The following RDH10 variants were observed in gnomAD, a reference collection of about 807,000 sequenced individuals.
RDH10 encodes retinol dehydrogenase 10 (all-trans).
A neutral mutation model predicts 30.2 loss-of-function variants in RDH10; 12 were observed. The ratio of observed to expected loss-of-function variants is 0.40; its 90% CI spans 0.25 to 0.64. The LOEUF (loss-of-function observed/expected upper bound fraction) is 0.64. Ranked by LOEUF, RDH10 falls within the 30% of genes least tolerant of loss-of-function variation. RDH10 has a pLI of 0.43. For missense variants in RDH10, 268 were observed against 445.2 expected (o/e 0.60, Z 3.58); for synonymous variants, 189 against 172.2 (o/e 1.10, Z -0.76).
At chr8:73,318,968 T>C (rs747078017) in intron 2 of RDH10, 128 bp from the exon 3 acceptor site, 143 of 622,196 alleles carry the variant, frequency 2.3e-4, no homozygotes, top group Middle Eastern at 4.0e-4. Flanking sequence ...TTGATAAATA[T>C]AAAATATTTT....
rs77444482 is a variant in RDH10, at chr8:73,295,870, C to A, written c.289+292C>A. The A allele has an allele frequency of 6.6e-3, 8,119 of 1,229,640 alleles. 465 individuals are homozygous for A. The African/African-American group carries it at 0.11, about 17-fold the overall frequency. The allele number at this position is 1,229,640 out of a possible 1,614,324, so 76.2% of individuals were successfully genotyped here. On this transcript the variant is annotated intron_variant, in intron 1 of 5. Transcript: ENST00000240285. The stretch of plus-strand genomic sequence containing the variant: ...TCCGGGGTAGGGAAGGCGGAGGGAA[C>A]TTGTTACCACAGGTTTGGATCCCAA...
rs1586197911 is a variant in RDH10, at chr8:73,322,128, A to C, written c.771-551A>C. On this transcript the variant is annotated intron_variant, in intron 4 of 5. Coordinates refer to ENST00000240285, the MANE Select transcript of RDH10 (RefSeq NM_172037.5). ...GAAGAATGAAAGGAATAAATTGCAC[A>C]CTATCATTTCAACATGTAACCCAGT... The C allele has an allele frequency of 7.5e-6, 3 of 397,544 alleles. No homozygotes were observed. In the East Asian group the frequency reaches 2.1e-4, roughly 28 times the overall value. 24.6% of individuals were successfully genotyped at this position (397,544 alleles called of 1,614,324 possible).
chr8:73,297,290 C>T lies in RDH10; in HGVS notation c.386C>T (p.Ala129Val). The change falls in exon 2 of 6, where the codon GCT (alanine) becomes GTT (valine). Residue 129 changes from alanine (A) to valine (V), a missense_variant. Ala to Val is a moderately conservative substitution (Grantham distance 64). This residue lies in a region of RDH10 where 136 missense variants were observed against 288.8 expected (regional missense o/e 0.47). Transcript: ENST00000240285. ...AAGAGGGAGAACGTCTACCTGACGG[C>T]TGAAAGAGTCCGCAAGGAGGTTGGC... The part of the protein sequence containing the change: ...VGKRENVYLT[A>V]ERVRKEVGEV... 6.2e-7 allele frequency: 1 copy of T among 1,614,060 alleles called. No individual in the cohort carries two copies. The highest frequency in any genetic ancestry group is 8.5e-7 in the Non-Finnish European group (1 of 1,179,900).
At position 73,295,400 on chromosome 8, in the gene RDH10, G is replaced by A; in HGVS notation, c.111G>A (p.Gln37=). The part of the protein sequence containing the change: ...VRPKEKSVAG[Q]VCLITGAGSG... ...CCAAGGAGAAGAGCGTGGCGGGCCA[G>A]GTGTGCCTCATCACCGGCGCCGGCA... is the stretch of plus-strand genomic sequence containing the variant. Residue 37 remains glutamine (Q), a synonymous_variant, in exon 1 of 6, where the codon CAG becomes CAA. Transcript: ENST00000240285. 1 of 1,551,374 alleles carries A rather than the reference G, an allele frequency of 6.4e-7. No individual in the cohort carries two copies. Among genetic ancestry groups the A allele is most frequent in the Non-Finnish European group, 8.7e-7 (1 of 1,149,490 alleles).
At chr8:73,301,124 C>T (rs1334995494) in intron 2 of RDH10, among the ~76,000 whole-genome samples, 8 of 140,990 alleles carry the variant, frequency 5.7e-5, no homozygotes, top group African/African-American at 1.9e-4. Flanking sequence ...GATCTCGGCT[C>T]ACTGCAAGCT....
In RDH10 at chr8:73,324,878, C is replaced by G. The variant is rs1814842464; in HGVS notation, c.*1842C>G. 1 of 152,144 alleles carries G rather than the reference C, an allele frequency of 6.6e-6. No homozygotes were observed. The allele number at this position is 152,144 out of a possible 1,614,324, so 9.4% of individuals were successfully genotyped here. On this transcript the variant is annotated 3_prime_UTR_variant, in exon 6 of 6. Transcript: ENST00000240285. ...AAAGGTCCTGGTGTGTGCTAATGTTCCCAATGCAGGACTTGAGGAAGAGCT... is the reference window on the plus strand; with the variant it reads ...AAAGGTCCTGGTGTGTGCTAATGTTGCCAATGCAGGACTTGAGGAAGAGCT...
In RDH10 at chr8:73,295,235, C is replaced by G; in HGVS notation, c.-55C>G. Reference sequence around the variant, plus strand: ...CGGAGCCGGGAGCCCGATTGCCGGGCTCGGGGTGGGCGCGGACGCAGGCAC... The same window carrying G: ...CGGAGCCGGGAGCCCGATTGCCGGGGTCGGGGTGGGCGCGGACGCAGGCAC... On this transcript the variant is annotated 5_prime_UTR_variant, in exon 1 of 6. Transcript: ENST00000240285. 1 of 1,445,024 alleles carries G rather than the reference C, an allele frequency of 6.9e-7. No individual in the cohort carries two copies. The highest frequency in any genetic ancestry group is 9.2e-7 in the Non-Finnish European group (1 of 1,092,282). 89.5% of individuals were successfully genotyped at this position (1,445,024 alleles called of 1,614,324 possible). A position where few individuals can be genotyped will look rare whatever the true frequency, so the allele number is the denominator to read the frequency against.
intron 2 of RDH10, chr8:73,311,850 T>C (rs753905943): frequency 2.0e-5 from 3 of 152,214 alleles, no homozygotes; most frequent in Non-Finnish European, 2.9e-5. Flanking sequence ...TCTACAAACA[T>C]ACCCAACTAG....
intron 2 of RDH10, among the ~76,000 whole-genome samples, chr8:73,318,127 T>C (rs1447167269): frequency 6.6e-6 from 1 of 151,798 alleles, no homozygotes; most frequent in Non-Finnish European, 1.5e-5. Flanking sequence ...AGTAGACAGA[T>C]TGCTCTTCGC....
At position 73,295,355 on chromosome 8, in the gene RDH10, G is replaced by C; in HGVS notation, c.66G>C (p.Ala22=). ...FKVLWAFVLA[A]ARWLVRPKEK... is the part of the protein sequence containing the mutation. ...TGCTCTGGGCGTTCGTGCTGGCCGCGGCGCGCTGGCTGGTGCGGCCCAAGG... is the reference window on the plus strand; with the variant it reads ...TGCTCTGGGCGTTCGTGCTGGCCGCCGCGCGCTGGCTGGTGCGGCCCAAGG... Residue 22 remains alanine (A), a synonymous_variant, in exon 1 of 6, where the codon GCG becomes GCC. Coordinates refer to ENST00000240285, the MANE Select transcript of RDH10 (RefSeq NM_172037.5). The C allele has an allele frequency of 6.4e-7, 1 of 1,560,876 alleles. No individual in the cohort carries two copies. The highest frequency in any genetic ancestry group is 8.7e-7 in the Non-Finnish European group (1 of 1,154,178).
In RDH10 at chr8:73,323,040, T is replaced by A; in HGVS notation, c.*4T>A. 1 of 1,610,126 alleles carries A rather than the reference T, an allele frequency of 6.2e-7. No homozygotes were observed. Among genetic ancestry groups the A allele is most frequent in the Non-Finnish European group, 8.5e-7 (1 of 1,176,542 alleles). ...TGAAGCAAAAAATGGAATCTAAGAA[T>A]CTTTTTGTATGGAATATTACTTCTA... On this transcript the variant is annotated 3_prime_UTR_variant, in exon 6 of 6. Coordinates refer to ENST00000240285, the MANE Select transcript of RDH10 (RefSeq NM_172037.5).
chr8:73,302,128 A>G (rs958141796), intron 2 of RDH10, among the ~76,000 whole-genome samples: 3 of 152,196 alleles, frequency 2.0e-5, no homozygotes, highest in African/African-American at 7.2e-5. Context: ...TCAGCCTGGC[A>G]TAATTCTGTA....
At chr8:73,297,580 C>A in intron 2 of RDH10, 151 bp downstream of exon 2, 1 of 615,670 alleles carries the variant, frequency 1.6e-6, no homozygotes, top group Non-Finnish European at 2.9e-6. Flanking sequence ...GCAGTGTATG[C>A]TGGTTACTGT....
In RDH10 at chr8:73,303,204, G is replaced by A. The variant is rs989136061; in HGVS notation, c.525+5775G>A. On this transcript the variant is annotated intron_variant, in intron 2 of 5. Coordinates refer to ENST00000240285, the MANE Select transcript of RDH10 (RefSeq NM_172037.5). ...AAGTAAAAGCCCACCAGCTAGATCTGAGTAATGTAGCACTTAAAGACATTA... is the reference window on the plus strand; with the variant it reads ...AAGTAAAAGCCCACCAGCTAGATCTAAGTAATGTAGCACTTAAAGACATTA... 6.6e-5 allele frequency among the ~76,000 whole-genome samples: 10 copies of A among 152,300 alleles called. No individual in the cohort carries two copies. The East Asian group carries it at 1.9e-3, about 29-fold the overall frequency.
intron 2 of RDH10, among the ~76,000 whole-genome samples, chr8:73,299,721 G>C (rs1039871785): frequency 1.3e-5 from 2 of 152,134 alleles, no homozygotes; most frequent in African/African-American, 4.8e-5. Flanking sequence ...TTGCTTAATT[G>C]TAAAATTTTA....
At chr8:73,321,553 A>T (rs924894967) in intron 4 of RDH10, among the ~76,000 whole-genome samples, 10 of 152,342 alleles carry the variant, frequency 6.6e-5, no homozygotes, top group Middle Eastern at 3.4e-3. Context: ...CAGCAAGCGT[A>T]TGTAACTAGA....
chr8:73,295,699 A>G, intron 1 of RDH10, 121 bp downstream of exon 1: 1 of 1,084,812 alleles, frequency 9.2e-7, no homozygotes. Flanking sequence ...GGAACACCCC[A>G]CCGGTCTTTT....
chr8:73,294,933 G>C lies in RDH10; in HGVS notation c.-357G>C. The C allele has an allele frequency of 2.5e-6, 1 of 394,492 alleles. No homozygotes were observed. Among genetic ancestry groups the C allele is most frequent in the Non-Finnish European group, 4.5e-6 (1 of 223,316 alleles). 24.4% of individuals were successfully genotyped at this position (394,492 alleles called of 1,614,324 possible). A position where few individuals can be genotyped will look rare whatever the true frequency, so the allele number is the denominator to read the frequency against. ...GGGACGCTCGGGCGGCAGCAGCTTG[G>C]CCATGAGGGCAGTTCGAGTAGTCTA... On this transcript the variant is annotated 5_prime_UTR_variant, in exon 1 of 6. Transcript: ENST00000240285.
intron 4 of RDH10, 77 bp downstream of exon 4, chr8:73,321,154 C>T: frequency 8.0e-7 from 1 of 1,246,592 alleles, no homozygotes; most frequent in East Asian, 2.4e-5. Flanking sequence ...TCAAACATAA[C>T]CTTGTATTTT....
Sources: allele counts gnomAD v4.1 joint callset (sites outside exome capture counted in the v4.1 genomes callset), GRCh38; gene constraint gnomAD v4.1.1; regional missense constraint gnomAD v4.1.1; transcripts MANE v1.5; gene names NCBI Gene and HGNC (gene_info 2026-07-23, HGNC 2026-07-21).